PARD3B: variants seen among roughly 807,000 people sequenced by gnomAD.
The protein encoded by PARD3B is par-3 family cell polarity regulator beta.
A neutral mutation model predicts 130.2 loss-of-function variants in PARD3B; 103 were observed. That is an observed-to-expected ratio of 0.79 (90% CI 0.67 to 0.93). The LOEUF (loss-of-function observed/expected upper bound fraction) is 0.93, where lower values mean the gene tolerates loss of function less well. Ranked by LOEUF, PARD3B falls within the 40% of genes least tolerant of loss-of-function variation. PARD3B has a pLI of 0.00. For missense variants in PARD3B, 1,609 were observed against 1,499.2 expected, an observed-to-expected ratio of 1.07 and a Z score of -1.21; for synonymous variants, 583 against 553.2, an observed-to-expected ratio of 1.05 and a Z score of -0.76.
At chr2:205,304,849 G>A (rs192078172) in intron 18 of PARD3B, among the ~76,000 whole-genome samples, 69 of 152,312 alleles carry the variant, frequency 4.5e-4, no homozygotes, top group African/African-American at 1.6e-3. Flanking sequence ...GGAGGCTGAA[G>A]TGGGAGGATT....
chr2:205,444,185 G>A (rs548115078), intron 20 of PARD3B, among the ~76,000 whole-genome samples: 4 of 152,254 alleles, frequency 2.6e-5, no homozygotes, highest in East Asian at 1.9e-4. Flanking sequence ...GTTTTGCCAC[G>A]TTGACCAGGC....
intron 1 of PARD3B, among the ~76,000 whole-genome samples, chr2:204,666,252 T>G (rs1041641553): frequency 6.6e-6 from 1 of 151,972 alleles, no homozygotes. Context: ...AAGGTAATGG[T>G]GGGTGCGATG....
intron 19 of PARD3B, among the ~76,000 whole-genome samples, chr2:205,410,318 T>G (rs914093302): frequency 2.6e-5 from 4 of 152,174 alleles, no homozygotes; most frequent in African/African-American, 4.8e-5. Context: ...GTGGCAGAAT[T>G]TGAGAAGAGC....
intron 2 of PARD3B, among the ~76,000 whole-genome samples, chr2:204,915,504 T>G (rs1010393507): frequency 1.2e-4 from 18 of 152,308 alleles, no homozygotes; most frequent in Non-Finnish European, 2.4e-4. Flanking sequence ...AAATTTAGTT[T>G]TATGTATATA....
chr2:205,406,208 C>A (rs528007061), intron 19 of PARD3B, among the ~76,000 whole-genome samples: 42 of 152,148 alleles, frequency 2.8e-4, no homozygotes, highest in Non-Finnish European at 4.9e-4. Context: ...TTATTCCGTT[C>A]TACTTTATCA....
At chr2:204,691,864 A>C (rs1230357880) in intron 2 of PARD3B, among the ~76,000 whole-genome samples, 1 of 152,132 alleles carries the variant, frequency 6.6e-6, no homozygotes, top group Non-Finnish European at 1.5e-5. Context: ...GAAGATATTG[A>C]ATATGACAGA....
chr2:205,567,700 T>C (rs1310922139), intron 22 of PARD3B, among the ~76,000 whole-genome samples: 3 of 150,330 alleles, frequency 2.0e-5, no homozygotes, highest in African/African-American at 7.4e-5. Flanking sequence ...AATTCAAAAG[T>C]TTAAAAAGTC....
chr2:205,084,881 T>G (rs192465176), intron 4 of PARD3B, among the ~76,000 whole-genome samples: 58 of 152,160 alleles, frequency 3.8e-4, no homozygotes, highest in Non-Finnish European at 7.5e-4. Flanking sequence ...TAATAAACTT[T>G]TTCTCTATAT....
intron 20 of PARD3B, among the ~76,000 whole-genome samples, chr2:205,487,499 T>TTTA (rs2049491888): frequency 1.3e-5 from 2 of 152,174 alleles, no homozygotes; most frequent in African/African-American, 4.8e-5. Flanking sequence ...TGCACTAAAT[T>TTTA]ATTTAGAGTG....
At position 205,461,670 on chromosome 2, in the gene PARD3B, G is replaced by T. The variant is rs138797319; in HGVS notation, c.3044+20998G>T. ...GATAATTGTTCTCAAATTTGAGCACGCATCAGAATCACCTGGAGAACTTGT... is the reference window on the plus strand; with the variant it reads ...GATAATTGTTCTCAAATTTGAGCACTCATCAGAATCACCTGGAGAACTTGT... On this transcript the variant is annotated intron_variant, in intron 20 of 22. Coordinates refer to ENST00000406610, the MANE Select transcript of PARD3B (RefSeq NM_001302769.2). The surrounding 1 kb of genome is among the most constrained non-coding windows in gnomAD (Gnocchi z 4.3). 6.6e-6 allele frequency among the ~76,000 whole-genome samples: 1 copy of T among 152,128 alleles called. No homozygotes were observed. The highest frequency in any genetic ancestry group is 1.5e-5 in the Non-Finnish European group (1 of 68,038).
chr2:205,585,193 C>T lies in PARD3B; in HGVS notation c.3261-30263C>T, dbSNP rs1301388563. ...GGAATGCCTGCCTAGGTGTTTATGG[C>T]AAGAGGCATATTTGGAATGCACAGG... On this transcript the variant is annotated intron_variant, in intron 22 of 22. Transcript: ENST00000406610. This position sits in a 1 kb window ranked among gnomAD's most constrained non-coding sequence, Gnocchi z 5.4. Among the ~76,000 whole-genome samples, 1 of 152,186 alleles carries T rather than the reference C, an allele frequency of 6.6e-6. No homozygotes were observed. The highest frequency in any genetic ancestry group is 1.5e-5 in the Non-Finnish European group (1 of 68,038).
chr2:205,204,675 A>G (rs112359755), intron 15 of PARD3B, among the ~76,000 whole-genome samples: 25,672 of 152,048 alleles, frequency 0.17, 2,515 homozygotes, highest in African/African-American at 0.27. Flanking sequence ...TGTGGCTAGC[A>G]ATTTTCCCAA....
At chr2:205,201,599 G>A (rs576537009) in intron 15 of PARD3B, among the ~76,000 whole-genome samples, 2 of 152,216 alleles carry the variant, frequency 1.3e-5, no homozygotes, top group Non-Finnish European at 2.9e-5. Flanking sequence ...GCCCTTTGGG[G>A]GGCCAAGGCG....
At chr2:205,110,801 T>G (rs1042711114) in intron 5 of PARD3B, among the ~76,000 whole-genome samples, 7 of 152,132 alleles carry the variant, frequency 4.6e-5, no homozygotes, top group Non-Finnish European at 1.0e-4. Context: ...ACATGTCCTG[T>G]TCACTAGTCC....
Position 205,059,769 on chromosome 2 carries a change from G to A in PARD3B, c.504+12079G>A, listed in dbSNP as rs1335231548. On this transcript the variant is annotated intron_variant, in intron 4 of 22. Transcript: ENST00000406610. The stretch of plus-strand genomic sequence containing the variant: ...CACGATTGCTCATTTCAACCATGAA[G>A]CAATTTAATTTCAGCTTTAATAGCG... Among the ~76,000 whole-genome samples the A allele has an allele frequency of 3.9e-5, 6 of 152,104 alleles. No individual in the cohort carries two copies. In the East Asian group the frequency reaches 7.7e-4, roughly 20 times the overall value.
chr2:204,911,373 C>A (rs2047228948), intron 2 of PARD3B, among the ~76,000 whole-genome samples: 1 of 152,194 alleles, frequency 6.6e-6, no homozygotes, highest in South Asian at 2.1e-4. Context: ...GCCTTAAGAT[C>A]ATCAGTGGTG....
chr2:204,665,197 G>A (rs891125363), intron 1 of PARD3B, among the ~76,000 whole-genome samples: 1 of 151,606 alleles, frequency 6.6e-6, no homozygotes, highest in African/African-American at 2.4e-5. Context: ...TTTAGAAAAT[G>A]ACTCAAATAT....
chr2:205,590,490 T>C lies in PARD3B; in HGVS notation c.3261-24966T>C, dbSNP rs984491614. Among the ~76,000 whole-genome samples, 1 of 152,200 alleles carries C rather than the reference T, an allele frequency of 6.6e-6. No homozygotes were observed. The highest frequency in any genetic ancestry group is 2.4e-5 in the African/African-American group (1 of 41,454). ...TTTTATCGCGGTATGTTTTTAACCA[T>C]ACACAATCACTGTGCCCGAGGGGAT... is the stretch of plus-strand genomic sequence containing the variant. On this transcript the variant is annotated intron_variant, in intron 22 of 22. Transcript: ENST00000406610. The surrounding 1 kb of genome is among the most constrained non-coding windows in gnomAD (Gnocchi z 4.1).
chr2:205,102,837 A>AC (rs1435519325), intron 4 of PARD3B, among the ~76,000 whole-genome samples: 1 of 152,004 alleles, frequency 6.6e-6, no homozygotes, highest in East Asian at 1.9e-4. Flanking sequence ...GGCCAAGACG[A>AC]CCAGATCATG....
Sources: gnomAD v4.1 joint callset for allele counts (sites outside exome capture counted in the v4.1 genomes callset) on GRCh38, gnomAD v4.1.1 for gene constraint, Gnocchi (gnomAD v3.1) non-coding constraint, MANE v1.5 for transcripts, NCBI Gene and HGNC (gene_info 2026-07-23, HGNC 2026-07-21) for gene names.